The following MAX variants were observed in gnomAD, a reference collection of about 807,000 sequenced individuals.
MAX encodes the protein MYC associated transcriptional regulator X.
In MAX, 3 loss-of-function variants were observed where a neutral mutation model predicts 22.3. The observed-to-expected ratio is 0.13, with a 90% CI of 0.06 to 0.35. The LOEUF is 0.35. Among genes scored for constraint, MAX ranks in the 10% least tolerant of loss-of-function variants. MAX has a pLI of 1.00. For synonymous variants in MAX, 72 were observed against 77.7 expected (o/e 0.93, Z 0.39); for missense variants, 119 against 209.4 (o/e 0.57, Z 2.66).
intron 3 of MAX, among the ~76,000 whole-genome samples, chr14:65,048,158 T>C (rs2062526382): frequency 6.6e-6 from 1 of 151,860 alleles, no homozygotes; most frequent in Non-Finnish European, 1.5e-5. Flanking sequence ...ATGTTTTCTA[T>C]TTTTAGTAGA....
rs1220547341 is a variant in MAX at position 65,027,637 on chromosome 14, G to A, written c.172-21353C>T. 7 of 1,613,934 alleles carry A rather than the reference G, an allele frequency of 4.3e-6. No homozygotes were observed. Among genetic ancestry groups the A allele is most frequent in the African/African-American group, 1.3e-5 (1 of 74,912 alleles). On this transcript the variant is annotated intron_variant, in intron 3 of 3. Transcript: ENST00000341653. The surrounding 1 kb of genome is among the most constrained non-coding windows in gnomAD (Gnocchi z 5.7). ...CCAGCAGTGACAGAAACCTAGAGGA[G>A]TTCCCCGCCTGCTGACACGCACTGA...
chr14:65,026,238 A>G (rs552280980), intron 3 of MAX, among the ~76,000 whole-genome samples: 8 of 152,318 alleles, frequency 5.3e-5, no homozygotes, highest in African/African-American at 1.9e-4. Flanking sequence ...CTTGATAACC[A>G]GGGCTTTCCT....
chr14:65,063,487 A>C (rs2062899025), intron 3 of MAX, among the ~76,000 whole-genome samples: 1 of 152,138 alleles, frequency 6.6e-6, no homozygotes, highest in African/African-American at 2.4e-5. Flanking sequence ...ATTTCAGGAG[A>C]GTTTACACTG....
At position 65,012,527 on chromosome 14, in the gene MAX, A is replaced by G; in HGVS notation, c.172-6243T>C. On this transcript the variant is annotated intron_variant, in intron 3 of 3. Coordinates refer to the MAX transcript ENST00000341653. This position sits in a 1 kb window ranked among gnomAD's most constrained non-coding sequence, Gnocchi z 5.0. ...GTTCTCTGTGGCTCTGGCAGGAGGT[A>G]GGGTGCTGTCACAGAGCTGGGACTC... 8 of 1,210,302 alleles carry G rather than the reference A, an allele frequency of 6.6e-6. No homozygotes were observed. The highest frequency in any genetic ancestry group is 9.2e-6 in the Non-Finnish European group (8 of 866,114). 75.0% of individuals were successfully genotyped at this position (1,210,302 alleles called of 1,614,324 possible). A position where few individuals can be genotyped will look rare whatever the true frequency, so the allele number is the denominator to read the frequency against.
At chr14:65,067,793 ATTTT>A (rs59262877) in intron 3 of MAX, among the ~76,000 whole-genome samples, 3 of 123,132 alleles carry the variant, frequency 2.4e-5, no homozygotes, top group Admixed American at 8.3e-5. Flanking sequence ...AGCTAATTAC[ATTTT>A]TTTTTTTTTT....
chr14:65,061,276 T>A, intron 3 of MAX: 1 of 1,614,108 alleles, frequency 6.2e-7, no homozygotes, highest in Non-Finnish European at 8.5e-7. Flanking sequence ...TTGAGGAGCT[T>A]AAGGATGAGA....
chr14:65,056,998 C>T (rs1284260272), intron 3 of MAX, among the ~76,000 whole-genome samples: 1 of 152,200 alleles, frequency 6.6e-6, no homozygotes, highest in East Asian at 1.9e-4. Flanking sequence ...TGAGAGCATC[C>T]TGGCTTTATA....
intron 3 of MAX, among the ~76,000 whole-genome samples, chr14:65,065,699 G>A (rs982815653): frequency 1.3e-5 from 2 of 152,182 alleles, no homozygotes; most frequent in African/African-American, 2.4e-5. Flanking sequence ...ATGATGTGGC[G>A]TGACTATATA....
chr14:65,015,627 T>C (rs1205311541), intron 3 of MAX: 1 of 1,614,116 alleles, frequency 6.2e-7, no homozygotes, highest in Non-Finnish European at 8.5e-7. Flanking sequence ...TCTCCCAGTG[T>C]CTGGATGCCA....
intron 3 of MAX, chr14:65,015,790 GT>G (rs1166340121): frequency 6.5e-7 from 1 of 1,543,518 alleles, no homozygotes; most frequent in African/African-American, 1.4e-5. Context: ...TTTTGTTTCT[GT>G]TTTGTTTGTT....
intron 3 of MAX, among the ~76,000 whole-genome samples, chr14:65,049,450 G>A (rs1023643713): frequency 4.6e-5 from 7 of 152,138 alleles, no homozygotes; most frequent in African/African-American, 1.4e-4. Context: ...GGATTTAAAA[G>A]GTGGATTCCA....
chr14:65,094,457 T>C (rs556078176), intron 2 of MAX, among the ~76,000 whole-genome samples: 1 of 152,260 alleles, frequency 6.6e-6, no homozygotes, highest in South Asian at 2.1e-4. Flanking sequence ...TTTTTAAAAG[T>C]AGATCCAAGG....
At chr14:65,052,566 T>C (rs567645229) in intron 3 of MAX, among the ~76,000 whole-genome samples, 1 of 152,352 alleles carries the variant, frequency 6.6e-6, no homozygotes, top group Non-Finnish European at 1.5e-5. Context: ...CACAGAATTC[T>C]TTGACCATAG....
intron 3 of MAX, chr14:65,053,375 AAGGGAGAGGGG>A: frequency 7.1e-7 from 1 of 1,399,878 alleles, no homozygotes; most frequent in Non-Finnish European, 9.4e-7. Flanking sequence ...CTGGGGAGGG[AAGGGAGAGGGG>A]AGGAGAGAGC....
Position 65,047,978 on chromosome 14 carries a change from ATTTTTTTTTTTTTTT to A in MAX, c.172-41709_172-41695del, listed in dbSNP as rs34879850. On this transcript the variant is annotated intron_variant, in intron 3 of 3. Transcript: ENST00000341653. The surrounding 1 kb of genome is among the most constrained non-coding windows in gnomAD (Gnocchi z 5.2). ...AGACAGAAGGAGGGAGACTTTTTAGATTTTTTTTTTTTTTTTTTTTTTTTTTTGAGACAGAGTCTC... is the reference window on the plus strand; with the variant it reads ...AGACAGAAGGAGGGAGACTTTTTAGATTTTTTTTTTTTGAGACAGAGTCTC... 1.6e-5 allele frequency among the ~76,000 whole-genome samples: 1 copy of A among 64,146 alleles called. No homozygotes were observed. The highest frequency in any genetic ancestry group is 2.1e-4 in the Admixed American group (1 of 4,700). The allele number at this position is 64,146 out of a possible 152,430, so 42.1% of individuals were successfully genotyped here.
intron 3 of MAX, among the ~76,000 whole-genome samples, chr14:65,057,469 CA>C (rs1391260450): frequency 1.3e-5 from 2 of 152,052 alleles, no homozygotes; most frequent in East Asian, 3.9e-4. Context: ...TTGAAGTGGT[CA>C]AATCTATTTG....
intron 3 of MAX, among the ~76,000 whole-genome samples, chr14:65,081,090 C>T (rs916289691): frequency 3.3e-5 from 5 of 152,150 alleles, no homozygotes; most frequent in African/African-American, 1.2e-4. Context: ...CCAAAGAAGG[C>T]TGGATTGGTT....
intron 3 of MAX, among the ~76,000 whole-genome samples, chr14:65,040,257 A>ATATATATGTATATATATGTG (rs2062315089): frequency 2.0e-5 from 3 of 148,942 alleles, no homozygotes; most frequent in Non-Finnish European, 4.4e-5. Flanking sequence ...CTATATATAT[A>ATATATATGTATATATATGTG]TGTATATATA....
chr14:65,059,377 T>A (rs1353958005), intron 3 of MAX, among the ~76,000 whole-genome samples: 1 of 152,072 alleles, frequency 6.6e-6, no homozygotes, highest in Non-Finnish European at 1.5e-5. Flanking sequence ...GATCAGAGAT[T>A]ATCTGTTTCT....
Sources: gnomAD v4.1 joint callset for allele counts (sites outside exome capture counted in the v4.1 genomes callset) on GRCh38, gnomAD v4.1.1 for gene constraint, Gnocchi (gnomAD v3.1) non-coding constraint, MANE v1.5 for transcripts, NCBI Gene and HGNC (gene_info 2026-07-23, HGNC 2026-07-21) for gene names.